The following FUT9 variants were observed in gnomAD, a reference collection of about 807,000 sequenced individuals.
The protein encoded by FUT9 is fucosyltransferase 9, also known as 4-galactosyl-N-acetylglucosaminide 3-alpha-L-fucosyltransferase 9.
In FUT9, 15 loss-of-function variants were observed where a neutral mutation model predicts 29.7. The observed-to-expected ratio is 0.51, with a 90% CI of 0.34 to 0.78. The LOEUF is 0.78. FUT9 is among the 30% of genes least tolerant of loss of function. The pLI, the probability that FUT9 is intolerant of heterozygous loss-of-function variation, is 0.01. For synonymous variants in FUT9, 169 were observed against 153.7 expected, an observed-to-expected ratio of 1.10 and a Z score of -0.74; for missense variants, 319 against 425.4, an observed-to-expected ratio of 0.75 and a Z score of 2.20.
chr6:96,161,013 A>G (rs1772890336), intron 2 of FUT9, among the ~76,000 whole-genome samples: 1 of 152,208 alleles, frequency 6.6e-6, no homozygotes, highest in Admixed American at 6.5e-5. Context: ...AGGGTAAATT[A>G]AGATGGGTTA....
Position 96,027,195 on chromosome 6 carries a change from G to A in FUT9, c.-98+10983G>A, listed in dbSNP as rs536347416. 8.3e-4 allele frequency among the ~76,000 whole-genome samples: 126 copies of A among 151,460 alleles called. No individual in the cohort carries two copies. The Middle Eastern group carries it at 0.01, about 12-fold the overall frequency. The stretch of plus-strand genomic sequence containing the variant: ...TAGTGAAACTTTAAGATTTTATATC[G>A]CTTTTATACTTTTAGACATTGAAGA... On this transcript the variant is annotated intron_variant, in intron 1 of 2. Coordinates refer to ENST00000302103, the MANE Select transcript of FUT9 (RefSeq NM_006581.4).
At chr6:96,109,238 G>A (rs1771752034) in intron 1 of FUT9, among the ~76,000 whole-genome samples, 1 of 152,242 alleles carries the variant, frequency 6.6e-6, no homozygotes, top group South Asian at 2.1e-4. Context: ...TATATCTGAG[G>A]TGTTTCTAAC....
intron 1 of FUT9, among the ~76,000 whole-genome samples, chr6:96,106,785 C>G (rs1375551433): frequency 6.6e-6 from 1 of 152,154 alleles, no homozygotes; most frequent in African/African-American, 2.4e-5. Flanking sequence ...TTAATTATTC[C>G]AAGACCCCCT....
chr6:96,089,542 T>C (rs1771376255), intron 1 of FUT9, among the ~76,000 whole-genome samples: 1 of 152,190 alleles, frequency 6.6e-6, no homozygotes, highest in South Asian at 2.1e-4. Flanking sequence ...TTGTCACAGC[T>C]AGAAGGTAGA....
At chr6:96,074,371 A>G (rs935253425) in intron 1 of FUT9, among the ~76,000 whole-genome samples, 2 of 152,176 alleles carry the variant, frequency 1.3e-5, no homozygotes, top group African/African-American at 2.4e-5. Context: ...AAGAAAGCAA[A>G]TGGTATAATG....
chr6:96,183,947 A>T (rs1773357019), intron 2 of FUT9, among the ~76,000 whole-genome samples: 1 of 151,954 alleles, frequency 6.6e-6, no homozygotes, highest in African/African-American at 2.4e-5. Context: ...TTAGGGTGAT[A>T]CTGGCTTCAT....
Position 96,206,859 on chromosome 6 carries a change from G to A in FUT9, c.*2624G>A, listed in dbSNP as rs961814040. On this transcript the variant is annotated 3_prime_UTR_variant, in exon 3 of 3. Transcript: ENST00000302103. ...TCTAGTGAATGTTCATGATTTGAAA[G>A]AACTGAAAGACCTAAAGGCAGTGTC... The A allele has an allele frequency of 6.0e-6, 1 of 166,990 alleles. No individual in the cohort carries two copies. The highest frequency in any genetic ancestry group is 1.5e-5 in the Non-Finnish European group (1 of 68,100). 10.3% of individuals were successfully genotyped at this position (166,990 alleles called of 1,614,324 possible). A position where few individuals can be genotyped will look rare whatever the true frequency, so the allele number is the denominator to read the frequency against.
rs1773788415 is a variant in FUT9 at position 96,204,374 on chromosome 6, G to T, written c.*139G>T. ...CTCTCTAGGGTAACGTGTATATTTT[G>T]GTGGAGATTTTTAAAAGCTCAGCAT... On this transcript the variant is annotated 3_prime_UTR_variant, in exon 3 of 3. Coordinates refer to ENST00000302103, the MANE Select transcript of FUT9 (RefSeq NM_006581.4). The T allele has an allele frequency of 1.8e-6, 1 of 550,248 alleles. No individual in the cohort carries two copies. The allele number at this position is 550,248 out of a possible 1,614,324, so 34.1% of individuals were successfully genotyped here.
chr6:96,193,112 C>T (rs1773546461), intron 2 of FUT9, among the ~76,000 whole-genome samples: 1 of 149,640 alleles, frequency 6.7e-6, no homozygotes, highest in Admixed American at 6.8e-5. Context: ...AGAAGAAAAC[C>T]TAGACAATAC....
At chr6:96,166,672 GT>G (rs2127981778) in intron 2 of FUT9, among the ~76,000 whole-genome samples, 1 of 152,276 alleles carries the variant, frequency 6.6e-6, no homozygotes, top group Non-Finnish European at 1.5e-5. Flanking sequence ...ATAAATGTAT[GT>G]CGCACTACAT....
intron 2 of FUT9, among the ~76,000 whole-genome samples, chr6:96,173,768 C>T (rs1234619155): frequency 3.0e-5 from 1 of 33,294 alleles, no homozygotes; most frequent in African/African-American, 4.5e-5. Context: ...AAATAAAAAT[C>T]ACACAAATTT....
chr6:96,080,578 A>ATG (rs1458564029), intron 1 of FUT9, among the ~76,000 whole-genome samples: 1 of 152,032 alleles, frequency 6.6e-6, no homozygotes, highest in Non-Finnish European at 1.5e-5. Flanking sequence ...AGGTATTTAA[A>ATG]TGTTCCAATG....
At chr6:96,149,606 G>A (rs998931839) in intron 2 of FUT9, among the ~76,000 whole-genome samples, 5 of 152,142 alleles carry the variant, frequency 3.3e-5, no homozygotes, top group Non-Finnish European at 5.9e-5. Context: ...GCAGAGCTGA[G>A]AATAAACCTT....
In FUT9 at chr6:96,207,682, A is replaced by C. The variant is rs1343953985; in HGVS notation, c.*3447A>C. The stretch of plus-strand genomic sequence containing the variant: ...TGGTTTGCTGTTGATTATACAAACC[A>C]ATAATTATGCCTAGAATTAAATTGT... On this transcript the variant is annotated 3_prime_UTR_variant, in exon 3 of 3. Coordinates refer to ENST00000302103, the MANE Select transcript of FUT9 (RefSeq NM_006581.4). 6.0e-6 allele frequency: 1 copy of C among 167,024 alleles called. No homozygotes were observed. The highest frequency in any genetic ancestry group is 1.5e-5 in the Non-Finnish European group (1 of 68,072). The allele number at this position is 167,024 out of a possible 1,614,324, so 10.3% of individuals were successfully genotyped here.
intron 1 of FUT9, among the ~76,000 whole-genome samples, chr6:96,092,637 A>G (rs1399136513): frequency 6.6e-6 from 1 of 152,108 alleles, no homozygotes; most frequent in Non-Finnish European, 1.5e-5. Context: ...GACTTTGCAT[A>G]TGTCATTTCC....
intron 1 of FUT9, among the ~76,000 whole-genome samples, chr6:96,081,966 C>A (rs903310352): frequency 6.6e-5 from 10 of 151,774 alleles, no homozygotes; most frequent in African/African-American, 2.2e-4. Flanking sequence ...TTTATATTTC[C>A]TTTCCTCTGA....
Position 96,206,059 on chromosome 6 carries a change from A to G in FUT9, c.*1824A>G, listed in dbSNP as rs4240604. ...TGAGCTTACAATTAAGTGGATAGACATATAAAAGCTTCCTTTCAATTCAGC... is the reference window on the plus strand; with the variant it reads ...TGAGCTTACAATTAAGTGGATAGACGTATAAAAGCTTCCTTTCAATTCAGC... On this transcript the variant is annotated 3_prime_UTR_variant, in exon 3 of 3. Coordinates refer to ENST00000302103, the MANE Select transcript of FUT9 (RefSeq NM_006581.4). 0.92 allele frequency: 153,650 copies of G among 166,970 alleles called. 72,109 individuals are homozygous for G. Among genetic ancestry groups the G allele is most frequent in the Non-Finnish European group, 1 (67,995 of 68,124 alleles). The allele number at this position is 166,970 out of a possible 1,614,324, so 10.3% of individuals were successfully genotyped here. A position where few individuals can be genotyped will look rare whatever the true frequency, so the allele number is the denominator to read the frequency against.
At chr6:96,135,685 A>G (rs529122965) in intron 2 of FUT9, among the ~76,000 whole-genome samples, 38 of 152,024 alleles carry the variant, frequency 2.5e-4, no homozygotes, top group African/African-American at 8.9e-4. Flanking sequence ...TTCAATGGGT[A>G]TAAAGTTTCT....
chr6:96,117,495 T>G lies in FUT9; in HGVS notation c.-9+3368T>G, dbSNP rs1433524898. Among the ~76,000 whole-genome samples, 3 of 152,270 alleles carry G rather than the reference T, an allele frequency of 2.0e-5. No individual in the cohort carries two copies. The East Asian group carries it at 5.8e-4, about 29-fold the overall frequency. Reference sequence around the variant, plus strand: ...CCACATTAGCAATTAGCATGCCTCATGCCCAAATTTTAGTTTCATGCTCAG... The same window carrying G: ...CCACATTAGCAATTAGCATGCCTCAGGCCCAAATTTTAGTTTCATGCTCAG... On this transcript the variant is annotated intron_variant, in intron 2 of 2. Coordinates refer to ENST00000302103, the MANE Select transcript of FUT9 (RefSeq NM_006581.4).
Sources: gnomAD v4.1 joint callset for allele counts (sites outside exome capture counted in the v4.1 genomes callset) on GRCh38, gnomAD v4.1.1 for gene constraint, MANE v1.5 for transcripts, NCBI Gene and HGNC (gene_info 2026-07-23, HGNC 2026-07-21) for gene names.